The following MPHOSPH8 variants were observed in gnomAD, a reference collection of about 807,000 sequenced individuals.
MPHOSPH8 encodes the protein M-phase phosphoprotein, mpp.
A neutral mutation model predicts 87.3 loss-of-function variants in MPHOSPH8; 45 were observed. The observed-to-expected ratio is 0.52, with a 90% CI of 0.41 to 0.66. MPHOSPH8 has a LOEUF of 0.66. Ranked by LOEUF, MPHOSPH8 falls within the 30% of genes least tolerant of loss-of-function variation. MPHOSPH8 has a pLI of 0.00. For missense variants in MPHOSPH8, 883 were observed against 1,020.2 expected (o/e 0.87, Z 1.83); for synonymous variants, 366 against 376.9 (o/e 0.97, Z 0.33).
Position 19,648,506 on chromosome 13 carries a change from C to G in MPHOSPH8, c.1303C>G (p.Pro435Ala). 1 of 1,572,476 alleles carries G rather than the reference C, an allele frequency of 6.4e-7. No individual in the cohort carries two copies. Among genetic ancestry groups the G allele is most frequent in the Non-Finnish European group, 8.6e-7 (1 of 1,158,880 alleles). Residue 435 changes from proline to alanine, a missense_variant, in exon 4 of 14, where the codon CCA becomes GCA. Around this residue, in one of 3 missense-constraint regions of MPHOSPH8, gnomAD observed 741 missense variants for 841.5 expected, o/e 0.88. Coordinates refer to ENST00000361479, the MANE Select transcript of MPHOSPH8 (RefSeq NM_017520.4). ...SDKEEKGRKEPKGLKTLKEIR... is the reference protein window; with the variant it reads ...SDKEEKGRKEAKGLKTLKEIR... ...CAAGGAAGAAAAAGGCAGAAAAGAG[C>G]CAAAAGGATTAAAGAGTGAGTGTAA...
intron 2 of MPHOSPH8, among the ~76,000 whole-genome samples, chr13:19,642,861 G>A (rs1482060018): frequency 2.6e-5 from 4 of 152,146 alleles, no homozygotes; most frequent in Non-Finnish European, 5.9e-5. Context: ...AGTTTTGACT[G>A]TGTGTAGTAG....
chr13:19,648,030 G>A (rs1214342352), intron 3 of MPHOSPH8, among the ~76,000 whole-genome samples: 2 of 152,076 alleles, frequency 1.3e-5, no homozygotes, highest in South Asian at 2.1e-4. Flanking sequence ...TGTGTGTAAT[G>A]TAAACAAAAA....
At position 19,633,788 on chromosome 13, in the gene MPHOSPH8, C is replaced by A. The variant is rs772089186; in HGVS notation, c.40C>A (p.Pro14Thr). The A allele has an allele frequency of 3.7e-6, 6 of 1,607,282 alleles. No individual in the cohort carries two copies. The South Asian group carries it at 6.7e-5, about 18-fold the overall frequency. ...GGAGGGAGCAAGGGTGACCGCAGTC[C>A]CTGTGTCAGCTGCCGACAGCACTGA... Reference protein sequence around the residue: ...VAEGARVTAVPVSAADSTEEL... With the variant: ...VAEGARVTAVTVSAADSTEEL... Residue 14 changes from proline to threonine, a missense_variant, in exon 1 of 14, where the codon CCT becomes ACT. Pro to Thr is a conservative substitution (Grantham distance 38). Coordinates refer to ENST00000361479, the MANE Select transcript of MPHOSPH8 (RefSeq NM_017520.4).
intron 5 of MPHOSPH8, among the ~76,000 whole-genome samples, chr13:19,654,977 G>C (rs1275244015): frequency 6.6e-6 from 1 of 151,528 alleles, no homozygotes; most frequent in African/African-American, 2.4e-5. Context: ...GACAGGCCAA[G>C]CTCACTAAAC....
At chr13:19,660,562 T>C (rs554992601) in intron 7 of MPHOSPH8, among the ~76,000 whole-genome samples, 5 of 152,328 alleles carry the variant, frequency 3.3e-5, no homozygotes, top group African/African-American at 1.2e-4. Flanking sequence ...TGACATTTAC[T>C]TTTTGCATCT....
intron 2 of MPHOSPH8, among the ~76,000 whole-genome samples, chr13:19,643,756 C>A (rs529861036): frequency 6.6e-6 from 1 of 152,252 alleles, no homozygotes; most frequent in South Asian, 2.1e-4. Context: ...TTCATACCAG[C>A]CCCTGTGTCC....
intron 5 of MPHOSPH8, among the ~76,000 whole-genome samples, chr13:19,656,082 CAA>C (rs895069114): frequency 2.0e-5 from 3 of 151,954 alleles, no homozygotes; most frequent in Admixed American, 6.6e-5. Context: ...GCCTGGGCAA[CAA>C]GAGCAAAACT....
At chr13:19,670,126 G>A (rs988322868) in intron 11 of MPHOSPH8, 110 bp from the exon 12 acceptor site, 2 of 1,319,984 alleles carry the variant, frequency 1.5e-6, no homozygotes, top group Middle Eastern at 3.8e-4. Context: ...AGTGGGTGAT[G>A]CCTGTCTGAC....
At chr13:19,656,441 A>C (rs1358155487) in intron 5 of MPHOSPH8, among the ~76,000 whole-genome samples, 1 of 151,950 alleles carries the variant, frequency 6.6e-6, no homozygotes, top group Non-Finnish European at 1.5e-5. Flanking sequence ...ATTTCTACAT[A>C]AATAATAAAT....
Position 19,646,292 on chromosome 13 carries a change from G to T in MPHOSPH8, c.370-151G>T, listed in dbSNP as rs921945760. On this transcript the variant is annotated intron_variant, in intron 2 of 13. Coordinates refer to ENST00000361479, the MANE Select transcript of MPHOSPH8 (RefSeq NM_017520.4). ...GTTTGCTGAGTCAGAGATAGAGGTA[G>T]CATACGATTTCAGCTTAGGTAAGCA... The T allele has an allele frequency of 1.5e-5, 9 of 613,218 alleles. No individual in the cohort carries two copies. In the Admixed American group the frequency reaches 2.7e-4, roughly 18 times the overall value. 38.0% of individuals were successfully genotyped at this position (613,218 alleles called of 1,614,324 possible). A position where few individuals can be genotyped will look rare whatever the true frequency, so the allele number is the denominator to read the frequency against.
At chr13:19,635,389 G>A (rs566182462) in intron 1 of MPHOSPH8, among the ~76,000 whole-genome samples, 3 of 152,268 alleles carry the variant, frequency 2.0e-5, no homozygotes, top group East Asian at 3.9e-4. Flanking sequence ...TTAGCTGGGC[G>A]AGGTAGCGGG....
At chr13:19,639,157 A>G (rs1381146951) in intron 1 of MPHOSPH8, among the ~76,000 whole-genome samples, 1 of 151,632 alleles carries the variant, frequency 6.6e-6, no homozygotes, top group East Asian at 1.9e-4. Flanking sequence ...GAGTGGTGCT[A>G]CAGGGTCTGT....
Position 19,642,096 on chromosome 13 carries a change from C to T in MPHOSPH8, c.214-19C>T. ...GTTAGCAATCTGCTTTATTTGCCTC[C>T]TTTTATTTTCTATAACAGGGTAAAG... On this transcript the variant is annotated intron_variant, in intron 1 of 13. Coordinates refer to ENST00000361479, the MANE Select transcript of MPHOSPH8 (RefSeq NM_017520.4). The T allele has an allele frequency of 7.1e-7, 1 of 1,418,424 alleles. No individual in the cohort carries two copies. Among genetic ancestry groups the T allele is most frequent in the Non-Finnish European group, 9.2e-7 (1 of 1,083,354 alleles). 87.9% of individuals were successfully genotyped at this position (1,418,424 alleles called of 1,614,324 possible).
chr13:19,642,410 C>A, intron 2 of MPHOSPH8, 140 bp downstream of exon 2: 2 of 695,612 alleles, frequency 2.9e-6, no homozygotes, highest in Non-Finnish European at 2.1e-6. Flanking sequence ...AGCCAATTCT[C>A]ACAGACTGCT....
intron 1 of MPHOSPH8, among the ~76,000 whole-genome samples, chr13:19,640,815 G>GTA (rs1874247322): frequency 6.6e-6 from 1 of 152,036 alleles, no homozygotes; most frequent in African/African-American, 2.4e-5. Flanking sequence ...GAGCGTTTTT[G>GTA]TACTATTTTT....
At chr13:19,637,962 A>C (rs1359015762) in intron 1 of MPHOSPH8, among the ~76,000 whole-genome samples, 2 of 151,484 alleles carry the variant, frequency 1.3e-5, no homozygotes. Context: ...TTAGGTGGGC[A>C]TGGTGGCAGG....
intron 2 of MPHOSPH8, among the ~76,000 whole-genome samples, 194 bp from the exon 3 acceptor site, chr13:19,646,249 C>T (rs1037296928): frequency 6.6e-6 from 1 of 152,104 alleles, no homozygotes; most frequent in African/African-American, 2.4e-5. Flanking sequence ...CTCACACTTG[C>T]CCTCACCGCC....
intron 5 of MPHOSPH8, among the ~76,000 whole-genome samples, chr13:19,652,048 G>A (rs1874879695): frequency 6.6e-6 from 1 of 152,180 alleles, no homozygotes. Context: ...GTTGTGGTGA[G>A]CCAAGATCAC....
intron 5 of MPHOSPH8, among the ~76,000 whole-genome samples, chr13:19,658,676 C>T (rs1351173341): frequency 6.6e-6 from 1 of 152,214 alleles, no homozygotes; most frequent in Non-Finnish European, 1.5e-5. Flanking sequence ...ATTAGAATTG[C>T]ATTTCCTCTT....
Sources: gnomAD v4.1 joint callset for allele counts (sites outside exome capture counted in the v4.1 genomes callset) on GRCh38, gnomAD v4.1.1 for gene constraint, gnomAD v4.1.1 regional missense constraint, MANE v1.5 for transcripts, NCBI Gene and HGNC (gene_info 2026-07-23, HGNC 2026-07-21) for gene names.